AFG2A: variants seen among roughly 807,000 people sequenced by gnomAD.
AFG2A encodes AAA ATPase AFG2A, also known as ATPase family gene 2 protein homolog A.
the AFG2A span, chr4:123,028,287 T>C: frequency 6.2e-7 from 1 of 1,614,126 alleles, no homozygotes; most frequent in Non-Finnish European, 8.5e-7. Flanking sequence ...TTCGAATGGG[T>C]ATTCAGCCAC....
chr4:122,924,716 G>A, the AFG2A span, among the ~76,000 whole-genome samples: 4 of 151,790 alleles, frequency 2.6e-5, no homozygotes, highest in Admixed American at 1.3e-4. Flanking sequence ...ATTTATATTT[G>A]TAAATCTTTT....
chr4:123,134,916 C>A, the AFG2A span, among the ~76,000 whole-genome samples: 8 of 151,924 alleles, frequency 5.3e-5, no homozygotes, highest in Non-Finnish European at 1.0e-4. Context: ...TTTATGAGGC[C>A]AGAATCACCC....
At chr4:123,206,185 T>C in the AFG2A span, among the ~76,000 whole-genome samples, 77 of 152,150 alleles carry the variant, frequency 5.1e-4, no homozygotes, top group Admixed American at 9.2e-4. Flanking sequence ...GTGTTTGGAA[T>C]GTAACAGGAG....
chr4:123,151,124 A>T, the AFG2A span, among the ~76,000 whole-genome samples: 1 of 152,214 alleles, frequency 6.6e-6, no homozygotes, highest in Non-Finnish European at 1.5e-5. Context: ...TTAACTCAAG[A>T]TGGATTAAAG....
chr4:123,284,051 A>C, the AFG2A span, among the ~76,000 whole-genome samples: 3 of 152,294 alleles, frequency 2.0e-5, no homozygotes, highest in South Asian at 6.2e-4. Flanking sequence ...CTTACAGTAA[A>C]GGTAAGCGGA....
chr4:123,084,354 G>A, the AFG2A span, among the ~76,000 whole-genome samples: 7 of 151,048 alleles, frequency 4.6e-5, no homozygotes, highest in African/African-American at 1.7e-4. Context: ...GCTTACTTTA[G>A]CTTGCTCTTC....
the AFG2A span, among the ~76,000 whole-genome samples, chr4:123,197,481 G>A: frequency 6.6e-6 from 1 of 152,052 alleles, no homozygotes; most frequent in Admixed American, 6.6e-5. Flanking sequence ...ATAAGCATAC[G>A]TACTTAGGCT....
chr4:123,272,120 A>G, the AFG2A span, among the ~76,000 whole-genome samples: 1 of 152,224 alleles, frequency 6.6e-6, no homozygotes, highest in Non-Finnish European at 1.5e-5. Flanking sequence ...TTCATCACTC[A>G]GTCCTGATGC....
At chr4:123,154,693 G>T in the AFG2A span, among the ~76,000 whole-genome samples, 4 of 152,158 alleles carry the variant, frequency 2.6e-5, no homozygotes, top group South Asian at 4.1e-4. Flanking sequence ...TCCAAAAGGA[G>T]ATCATTGATA....
At chr4:122,998,933 GT>G in the AFG2A span, among the ~76,000 whole-genome samples, 1 of 152,118 alleles carries the variant, frequency 6.6e-6, no homozygotes, top group Non-Finnish European at 1.5e-5. Flanking sequence ...CACCAACAGT[GT>G]AAAAGTGTTC....
the AFG2A span, among the ~76,000 whole-genome samples, chr4:123,001,730 G>A: frequency 6.6e-6 from 1 of 152,040 alleles, no homozygotes; most frequent in Non-Finnish European, 1.5e-5. Context: ...CCAACTATGT[G>A]GTCAATTTTG....
At chr4:123,028,686 T>C in the AFG2A span, among the ~76,000 whole-genome samples, 163 of 152,338 alleles carry the variant, frequency 1.1e-3, no homozygotes, top group African/African-American at 3.8e-3. Flanking sequence ...TTTTGTTTGT[T>C]TCTACATTTT....
At chr4:122,924,896 T>C in the AFG2A span, among the ~76,000 whole-genome samples, 2 of 152,164 alleles carry the variant, frequency 1.3e-5, no homozygotes, top group African/African-American at 4.8e-5. Flanking sequence ...GTGAAATTAC[T>C]CTGTAAATTT....
At chr4:122,935,514 T>C in the AFG2A span, among the ~76,000 whole-genome samples, 1 of 151,902 alleles carries the variant, frequency 6.6e-6, no homozygotes, top group East Asian at 1.9e-4. Context: ...TGTTCTGTGG[T>C]CTACAGAGAG....
the AFG2A span, among the ~76,000 whole-genome samples, chr4:122,990,670 C>T: frequency 3.3e-5 from 5 of 152,220 alleles, no homozygotes; most frequent in Non-Finnish European, 7.4e-5. Context: ...TTCACTGTAG[C>T]GTCAAATTTC....
the AFG2A span, among the ~76,000 whole-genome samples, chr4:123,066,605 G>A: frequency 6.6e-6 from 1 of 152,068 alleles, no homozygotes; most frequent in African/African-American, 2.4e-5. Context: ...AAATTCTCAT[G>A]TATCTAAATA....
the AFG2A span, among the ~76,000 whole-genome samples, chr4:123,192,931 T>G: frequency 0.55 from 84,442 of 152,192 alleles, 26,645 homozygotes; most frequent in Non-Finnish European, 0.69. Flanking sequence ...AAAGTTTGTT[T>G]TATGTATCTA....
the AFG2A span, among the ~76,000 whole-genome samples, chr4:123,030,032 G>A: frequency 1.6e-4 from 24 of 152,138 alleles, no homozygotes; most frequent in Non-Finnish European, 2.9e-4. Context: ...TTATCATGTG[G>A]TAATGGGGAT....
the AFG2A span, among the ~76,000 whole-genome samples, chr4:123,271,099 G>A: frequency 6.6e-6 from 1 of 152,172 alleles, no homozygotes; most frequent in Non-Finnish European, 1.5e-5. Flanking sequence ...ACTGAATATA[G>A]CAAGAACAAT....
Sources: allele counts gnomAD v4.1 joint callset (sites outside exome capture counted in the v4.1 genomes callset), GRCh38; gene constraint gnomAD v4.1.1; transcripts MANE v1.5; gene names NCBI Gene and HGNC (gene_info 2026-07-23, HGNC 2026-07-21).